The following IMPG2 variants were observed in gnomAD, a reference collection of about 807,000 sequenced individuals.
IMPG2 encodes the protein interphotoreceptor matrix proteoglycan 2.
In IMPG2, 91 loss-of-function variants were observed where a neutral mutation model predicts 129.2. That is an observed-to-expected ratio of 0.70 (90% CI 0.59 to 0.84). The LOEUF (loss-of-function observed/expected upper bound fraction) is 0.84. Among genes scored for constraint, IMPG2 ranks in the 40% least tolerant of loss-of-function variants. IMPG2 has a pLI of 0.00. For synonymous variants in IMPG2, 510 were observed against 517.7 expected, an observed-to-expected ratio of 0.99 and a Z score of 0.20; for missense variants, 1,430 against 1,461.7, an observed-to-expected ratio of 0.98 and a Z score of 0.35.
At chr3:101,228,625 T>C (rs550876221) in intron 18 of IMPG2, among the ~76,000 whole-genome samples, 172 bp downstream of exon 18, 4 of 152,236 alleles carry the variant, frequency 2.6e-5, no homozygotes, top group African/African-American at 9.6e-5. Context: ...AAGGAAGAAA[T>C]GAGATAATCT....
At chr3:101,279,744 C>T (rs1706874045) in intron 4 of IMPG2, among the ~76,000 whole-genome samples, 1 of 152,214 alleles carries the variant, frequency 6.6e-6, no homozygotes, top group Non-Finnish European at 1.5e-5. Context: ...ACTAAGCAAA[C>T]ATTCAGAATG....
intron 3 of IMPG2, among the ~76,000 whole-genome samples, chr3:101,295,609 G>C (rs1265839771): frequency 1.3e-5 from 2 of 152,182 alleles, no homozygotes; most frequent in African/African-American, 4.8e-5. Context: ...GTCAATGGTA[G>C]TTTGATGGGA....
chr3:101,246,113 G>GA lies in IMPG2; in HGVS notation c.1240-9dup, dbSNP rs557392173. The GA allele has an allele frequency of 1.5e-5, 24 of 1,603,786 alleles. No individual in the cohort carries two copies. The African/African-American group carries it at 2.7e-4, about 18-fold the overall frequency. The stretch of plus-strand genomic sequence containing the variant: ...AGCTTGAAAGGTATTATCCTGGGGG[G>GA]AAAAAAAGGCTAAATCATATCATAG... On this transcript the variant is annotated splice_polypyrimidine_tract_variant and intron_variant, in intron 11 of 18. Coordinates refer to ENST00000193391, the MANE Select transcript of IMPG2 (RefSeq NM_016247.4).
intron 4 of IMPG2, among the ~76,000 whole-genome samples, chr3:101,285,090 T>A (rs759498240): frequency 6.6e-6 from 1 of 152,206 alleles, no homozygotes; most frequent in Non-Finnish European, 1.5e-5. Flanking sequence ...AAAAATTTCA[T>A]AGGGTAATTG....
chr3:101,276,571 A>T (rs535982936), intron 5 of IMPG2, 93 bp downstream of exon 5: 1 of 821,950 alleles, frequency 1.2e-6, no homozygotes, highest in Admixed American at 2.4e-5. Flanking sequence ...GATATTTTTA[A>T]AAGGTAAGCT....
intron 2 of IMPG2, among the ~76,000 whole-genome samples, chr3:101,306,336 A>T (rs1285724496): frequency 6.6e-6 from 1 of 152,228 alleles, no homozygotes; most frequent in Non-Finnish European, 1.5e-5. Flanking sequence ...ATGTATGAGT[A>T]TTGAAAGTTT....
In IMPG2 at chr3:101,246,120, A is replaced by T. The variant is rs750823065; in HGVS notation, c.1240-15T>A. 6.2e-7 allele frequency: 1 copy of T among 1,612,240 alleles called. No homozygotes were observed. Among genetic ancestry groups the T allele is most frequent in the East Asian group, 2.2e-5 (1 of 44,874 alleles). On this transcript the variant is annotated splice_polypyrimidine_tract_variant and intron_variant, in intron 11 of 18. Transcript: ENST00000193391. ...AAGGTATTATCCTGGGGGGAAAAAAAGGCTAAATCATATCATAGATAAAAG... is the reference window on the plus strand; with the variant it reads ...AAGGTATTATCCTGGGGGGAAAAAATGGCTAAATCATATCATAGATAAAAG...
Position 101,273,634 on chromosome 3 carries a change from G to A in IMPG2, c.775C>T (p.Gln259Ter). The change falls in exon 7 of 19, where the codon CAG (glutamine) becomes TAG (stop). Residue 259 changes from glutamine to a stop codon, truncating the protein, a stop_gained. Coordinates refer to ENST00000193391, the MANE Select transcript of IMPG2 (RefSeq NM_016247.4). LOFTEE classifies it high-confidence loss of function. ...TGGTGGTGAAAGCTGGAGGAATCCT[G>A]TAGTTCTTCCCTGTACTGCTTCCCC... ...LLGKQYREELQDSSSFHHQHL... is the reference protein window; with the variant it reads ...LLGKQYREEL 6.2e-7 allele frequency: 1 copy of A among 1,614,022 alleles called. No homozygotes were observed. The highest frequency in any genetic ancestry group is 8.5e-7 in the Non-Finnish European group (1 of 1,179,958).
intron 2 of IMPG2, among the ~76,000 whole-genome samples, chr3:101,316,358 G>A (rs915204250): frequency 1.3e-4 from 20 of 151,952 alleles, no homozygotes; most frequent in African/African-American, 4.6e-4. Flanking sequence ...CAAAATATAT[G>A]TTTGACAAAG....
intron 2 of IMPG2, among the ~76,000 whole-genome samples, chr3:101,306,927 TACTGTTAATAAAAATGAGTAGGCAA>T (rs1190911139): frequency 5.9e-5 from 9 of 152,158 alleles, no homozygotes; most frequent in African/African-American, 1.9e-4. Context: ...TATCAAAAGA[TACTGTTAATAAAAATGAGTAGGCAA>T]ACCACATATC....
At chr3:101,272,104 CACACACACACACACACAT>C (rs1237227606) in intron 7 of IMPG2, among the ~76,000 whole-genome samples, 99 of 148,960 alleles carry the variant, frequency 6.6e-4, no homozygotes, top group Middle Eastern at 6.8e-3. Flanking sequence ...CACACGCACA[CACACACACACACACACAT>C]ACACACACAC....
chr3:101,243,838 T>C lies in IMPG2; in HGVS notation c.2493A>G (p.Val831=), dbSNP rs1271728704. 1.2e-6 allele frequency: 2 copies of C among 1,614,166 alleles called. No individual in the cohort carries two copies. The highest frequency in any genetic ancestry group is 2.2e-5 in the South Asian group (2 of 91,084). The part of the protein sequence containing the change: ...TTISTLLEDE[V]IMGVQDISLE... ...ACGAAATATCCTGTACACCCATAAT[T>C]ACTTCATCCTCTAGCAGGGTGGAGA... The change falls in exon 13 of 19, where the codon GTA becomes GTG. Residue 831 remains valine, a synonymous_variant. Coordinates refer to ENST00000193391, the MANE Select transcript of IMPG2 (RefSeq NM_016247.4).
rs554272771 is a variant in IMPG2, at chr3:101,236,251, G to A, written c.3023-3260C>T. On this transcript the variant is annotated intron_variant, in intron 14 of 18. Coordinates refer to ENST00000193391, the MANE Select transcript of IMPG2 (RefSeq NM_016247.4). Reference sequence around the variant, plus strand: ...TAACAATGCCCAGAAATACTGAGGAGTTGAGGGAACATAGATGCAGGTTTT... The same window carrying A: ...TAACAATGCCCAGAAATACTGAGGAATTGAGGGAACATAGATGCAGGTTTT... 4.6e-5 allele frequency among the ~76,000 whole-genome samples: 7 copies of A among 152,342 alleles called. No individual in the cohort carries two copies. The East Asian group carries it at 1.3e-3, about 29-fold the overall frequency.
intron 4 of IMPG2, among the ~76,000 whole-genome samples, chr3:101,288,029 T>G (rs1216872629): frequency 6.6e-6 from 1 of 152,048 alleles, no homozygotes. Flanking sequence ...TATAGGGAAT[T>G]TAAACAATTC....
In IMPG2 at chr3:101,232,880, A is replaced by G; in HGVS notation, c.3134T>C (p.Val1045Ala). ...GAGACTCTGACAGGGCCGTTCTTCC[A>G]CACTCAGGTATCCAGGGAAGCATCT... ...KCRCFPGYLS[V>A]EERPCQSLCD... Residue 1045 changes from valine to alanine, a missense_variant, in exon 15 of 19, where the codon GTG (valine) becomes GCG (alanine). Val to Ala is a moderately conservative substitution (Grantham distance 64). Coordinates refer to ENST00000193391, the MANE Select transcript of IMPG2 (RefSeq NM_016247.4). 1 of 1,613,934 alleles carries G rather than the reference A, an allele frequency of 6.2e-7. No individual in the cohort carries two copies. Among genetic ancestry groups the G allele is most frequent in the Non-Finnish European group, 8.5e-7 (1 of 1,179,986 alleles).
In IMPG2 at chr3:101,244,408, T is replaced by C. The variant is rs550541759; in HGVS notation, c.1923A>G (p.Pro641=). 6 of 1,614,198 alleles carry C rather than the reference T, an allele frequency of 3.7e-6. No homozygotes were observed. The East Asian group carries it at 1.3e-4, about 36-fold the overall frequency. ...PWLEDDDSLL[P]AEIEDKKLVL... The stretch of plus-strand genomic sequence containing the variant: ...CTAGTTTCTTGTCTTCAATCTCAGC[T>C]GGCAAAAGTGAATCATCATCTTCAA... Residue 641 remains proline, a synonymous_variant, in exon 13 of 19, where the codon CCA becomes CCG. Transcript: ENST00000193391.
At chr3:101,239,713 A>G (rs1459046890) in intron 14 of IMPG2, among the ~76,000 whole-genome samples, 1 of 152,270 alleles carries the variant, frequency 6.6e-6, no homozygotes, top group Admixed American at 6.5e-5. Context: ...AATGTGGCAC[A>G]TATACACCAT....
In IMPG2 at chr3:101,225,492, G is replaced by T. The variant is rs1426015782; in HGVS notation, c.*1477C>A. ...TGCAAAATACCTGGCCATCTTCAAG[G>T]CTTTCACTAGCTTTACTGTGGCATG... On this transcript the variant is annotated 3_prime_UTR_variant, in exon 19 of 19. Transcript: ENST00000193391. The T allele has an allele frequency of 6.6e-6, 1 of 152,170 alleles. No individual in the cohort carries two copies. The highest frequency in any genetic ancestry group is 1.5e-5 in the Non-Finnish European group (1 of 68,070). The allele number at this position is 152,170 out of a possible 1,614,324, so 9.4% of individuals were successfully genotyped here. A position where few individuals can be genotyped will look rare whatever the true frequency, so the allele number is the denominator to read the frequency against.
At position 101,273,790 on chromosome 3, in the gene IMPG2, A is replaced by G. The variant is rs772118337; in HGVS notation, c.667-48T>C. The G allele has an allele frequency of 2.6e-6, 4 of 1,534,980 alleles. No individual in the cohort carries two copies. In the South Asian group the frequency reaches 4.5e-5, roughly 17 times the overall value. On this transcript the variant is annotated intron_variant, in intron 6 of 18. Coordinates refer to ENST00000193391, the MANE Select transcript of IMPG2 (RefSeq NM_016247.4). ...ATAAATGTCAAGGCTTATTCATTCA[A>G]TCAACAAACATTTATTGATTGTTTC...
Sources: gnomAD v4.1 joint callset for allele counts (sites outside exome capture counted in the v4.1 genomes callset) on GRCh38, gnomAD v4.1.1 for gene constraint, MANE v1.5 for transcripts, NCBI Gene and HGNC (gene_info 2026-07-23, HGNC 2026-07-21) for gene names.